ARK2N: variants seen among roughly 807,000 people sequenced by gnomAD.
ARK2N encodes protein ARK2N.
chr18:46,191,824 T>G, the ARK2N span, among the ~76,000 whole-genome samples: 3 of 152,230 alleles, frequency 2.0e-5, no homozygotes, highest in Non-Finnish European at 4.4e-5. Flanking sequence ...GCCTCTTCAT[T>G]CTTCCCTTCC....
chr18:46,195,559 C>CTTTT, the ARK2N span, among the ~76,000 whole-genome samples: 5 of 72,684 alleles, frequency 6.9e-5, no homozygotes, highest in African/African-American at 3.1e-4. Context: ...CCCACATAAA[C>CTTTT]TTTTTTTTTT....
chr18:46,232,544 T>C, the ARK2N span: 1 of 152,196 alleles, frequency 6.6e-6, no homozygotes, highest in African/African-American at 2.4e-5. Context: ...TTTAATTTGT[T>C]TAGAAGTTAC....
chr18:46,242,759 TTTG>T, the ARK2N span, among the ~76,000 whole-genome samples: 2 of 152,206 alleles, frequency 1.3e-5, no homozygotes, highest in South Asian at 2.1e-4. Flanking sequence ...TTTTATGAGT[TTTG>T]TTGTTGTTAT....
the ARK2N span, among the ~76,000 whole-genome samples, chr18:46,187,891 TAA>T: frequency 6.6e-6 from 1 of 152,058 alleles, no homozygotes; most frequent in Non-Finnish European, 1.5e-5. Context: ...AAAAATAACT[TAA>T]AAAATTTGTT....
the ARK2N span, among the ~76,000 whole-genome samples, chr18:46,260,644 C>A: frequency 2.6e-5 from 4 of 152,196 alleles, no homozygotes; most frequent in African/African-American, 9.7e-5. Context: ...GTCTCTAAAC[C>A]TCTCACTCTC....
chr18:46,248,730 A>G, the ARK2N span, among the ~76,000 whole-genome samples: 2 of 152,116 alleles, frequency 1.3e-5, no homozygotes, highest in Non-Finnish European at 2.9e-5. Context: ...GACTACAGGC[A>G]TGTGCCACCA....
At chr18:46,211,208 A>G in the ARK2N span, among the ~76,000 whole-genome samples, 1 of 151,914 alleles carries the variant, frequency 6.6e-6, no homozygotes, top group Admixed American at 6.6e-5. Flanking sequence ...GGTTTTTTTT[A>G]CTTTTGTTTT....
chr18:46,175,162 G>C, the ARK2N span, among the ~76,000 whole-genome samples: 9 of 117,186 alleles, frequency 7.7e-5, no homozygotes, highest in African/African-American at 3.0e-4. Flanking sequence ...CAAAATTGAT[G>C]CTCACAGGTT....
the ARK2N span, among the ~76,000 whole-genome samples, chr18:46,238,525 G>T: frequency 6.6e-6 from 1 of 151,986 alleles, no homozygotes; most frequent in Non-Finnish European, 1.5e-5. Context: ...CTGATACCAA[G>T]GCCACACTGT....
the ARK2N span, among the ~76,000 whole-genome samples, chr18:46,256,135 T>G: frequency 6.6e-6 from 1 of 152,250 alleles, no homozygotes; most frequent in Non-Finnish European, 1.5e-5. Context: ...CAGGGACATA[T>G]TATTCATTCA....
chr18:46,261,448 T>C, the ARK2N span, among the ~76,000 whole-genome samples: 2 of 152,238 alleles, frequency 1.3e-5, no homozygotes, highest in African/African-American at 2.4e-5. Context: ...GTGAAACTGC[T>C]TAGTAAAGGT....
At chr18:46,205,134 C>T in the ARK2N span, among the ~76,000 whole-genome samples, 3 of 151,730 alleles carry the variant, frequency 2.0e-5, no homozygotes, top group Non-Finnish European at 2.9e-5. Flanking sequence ...TCTCGAACTC[C>T]TGAGCTCAGG....
chr18:46,188,793 A>G, the ARK2N span, among the ~76,000 whole-genome samples: 1 of 152,316 alleles, frequency 6.6e-6, no homozygotes, highest in East Asian at 1.9e-4. Flanking sequence ...CCGGGGGATC[A>G]CTTGAGCCCA....
At chr18:46,266,406 A>G in the ARK2N span, 1 of 152,644 alleles carries the variant, frequency 6.6e-6, no homozygotes, top group Non-Finnish European at 1.5e-5. Context: ...TGCCCTAACC[A>G]AACTTCCTCA....
At chr18:46,215,188 G>A in the ARK2N span, among the ~76,000 whole-genome samples, 1 of 152,100 alleles carries the variant, frequency 6.6e-6, no homozygotes, top group Non-Finnish European at 1.5e-5. Context: ...GTGTGGTGGT[G>A]TGCGCCTGTA....
chr18:46,261,451 G>T, the ARK2N span, among the ~76,000 whole-genome samples: 1 of 152,202 alleles, frequency 6.6e-6, no homozygotes, highest in Non-Finnish European at 1.5e-5. Flanking sequence ...AAACTGCTTA[G>T]TAAAGGTAGT....
At chr18:46,249,471 A>G in the ARK2N span, among the ~76,000 whole-genome samples, 1 of 151,862 alleles carries the variant, frequency 6.6e-6, no homozygotes, top group Non-Finnish European at 1.5e-5. Flanking sequence ...TGACCTCGTG[A>G]TCCACCCGCC....
chr18:46,197,302 A>C, the ARK2N span, among the ~76,000 whole-genome samples: 1 of 151,652 alleles, frequency 6.6e-6, no homozygotes, highest in Non-Finnish European at 1.5e-5. Context: ...TGGTGCAATC[A>C]TGGCTCACTG....
At chr18:46,241,829 T>G in the ARK2N span, among the ~76,000 whole-genome samples, 1 of 152,176 alleles carries the variant, frequency 6.6e-6, no homozygotes, top group African/African-American at 2.4e-5. Flanking sequence ...TTTATTTATT[T>G]ATTTGAGATG....
Sources: gnomAD v4.1 joint callset for allele counts (sites outside exome capture counted in the v4.1 genomes callset) on GRCh38, gnomAD v4.1.1 for gene constraint, MANE v1.5 for transcripts, NCBI Gene and HGNC (gene_info 2026-07-23, HGNC 2026-07-21) for gene names.